DNAJC16: variants seen among roughly 807,000 people sequenced by gnomAD.
DNAJC16 encodes the protein dnaJ homolog subfamily C member 16.
Under a neutral mutation model 92.7 loss-of-function variants are expected in DNAJC16, and 76 were observed. The ratio of observed to expected loss-of-function variants is 0.82; its 90% confidence interval spans 0.68 to 0.99. DNAJC16 has a LOEUF of 0.99. DNAJC16 is among the 50% of genes least tolerant of loss of function. The probability of loss-of-function intolerance (pLI) is 0.00; values close to 1 mark genes in which losing one functional copy is unlikely to be tolerated. For missense variants in DNAJC16, 869 were observed against 942.4 expected (o/e 0.92, Z 1.02); for synonymous variants, 328 against 358.7 (o/e 0.91, Z 0.97).
At position 15,563,516 on chromosome 1, in the gene DNAJC16, C is replaced by T. The variant is rs780494595; in HGVS notation, c.1339-413C>T. Among the ~76,000 whole-genome samples the T allele has an allele frequency of 6.7e-5, 9 of 134,498 alleles. No individual in the cohort carries two copies. The East Asian group carries it at 6.9e-4, about 10-fold the overall frequency. The allele number at this position is 134,498 out of a possible 152,430, so 88.2% of individuals were successfully genotyped here. On this transcript the variant is annotated intron_variant, in intron 9 of 14. Coordinates refer to ENST00000375847, the MANE Select transcript of DNAJC16 (RefSeq NM_015291.4). ...TGCACTCCAGCCTGGGAGACAAGGG[C>T]GAAACTCTGTCTCAAAAAACAAACA...
chr1:15,558,851 A>G (rs1638627620), intron 7 of DNAJC16, among the ~76,000 whole-genome samples: 1 of 152,224 alleles, frequency 6.6e-6, no homozygotes, highest in African/African-American at 2.4e-5. Context: ...TTAATTGCCC[A>G]GTTCGCTACA....
chr1:15,535,012 T>C (rs1158221772), intron 3 of DNAJC16, among the ~76,000 whole-genome samples: 1 of 152,258 alleles, frequency 6.6e-6, no homozygotes, highest in African/African-American at 2.4e-5. Flanking sequence ...GTCTGGAATA[T>C]GCATCAAAGA....
rs142380369 is a variant in DNAJC16 at position 15,562,058 on chromosome 1, G to A, written c.1155-84G>A. 282 of 1,397,320 alleles carry A rather than the reference G, an allele frequency of 2.0e-4. 1 individual carries two copies. The highest frequency in any genetic ancestry group is 1.6e-3 in the African/African-American group (115 of 70,162). 86.6% of individuals were successfully genotyped at this position (1,397,320 alleles called of 1,614,324 possible). A position where few individuals can be genotyped will look rare whatever the true frequency, so the allele number is the denominator to read the frequency against. On this transcript the variant is annotated intron_variant, in intron 8 of 14. Coordinates refer to ENST00000375847, the MANE Select transcript of DNAJC16 (RefSeq NM_015291.4). The stretch of plus-strand genomic sequence containing the variant: ...TTCACTTCCATAAGATGAGCTCCTC[G>A]TCTTCTTCACCTTCACTTGCCATTA...
At chr1:15,548,129 T>A in intron 6 of DNAJC16, 141 bp from the exon 7 acceptor site, 1 of 685,438 alleles carries the variant, frequency 1.5e-6, no homozygotes, top group Non-Finnish European at 2.4e-6. Flanking sequence ...AATGGAAGTA[T>A]ACAAGGATAC....
Position 15,570,090 on chromosome 1 carries a change from TAAA to T in DNAJC16, c.*1917_*1919del, listed in dbSNP as rs147257410. 4 of 152,742 alleles carry T rather than the reference TAAA, an allele frequency of 2.6e-5. No homozygotes were observed. The East Asian group carries it at 7.7e-4, about 29-fold the overall frequency. 9.5% of individuals were successfully genotyped at this position (152,742 alleles called of 1,614,324 possible). Reference sequence around the variant, plus strand: ...GTTTTCATGGAGTCTGTAGCTTTATTAAAAAATAAATCACTGCCAGGCTTCATT... The same window carrying T: ...GTTTTCATGGAGTCTGTAGCTTTATTAAATAAATCACTGCCAGGCTTCATT... On this transcript the variant is annotated 3_prime_UTR_variant, in exon 15 of 15. Transcript: ENST00000375847.
chr1:15,529,602 ATGATAC>A (rs572759776), intron 2 of DNAJC16, among the ~76,000 whole-genome samples: 213 of 152,328 alleles, frequency 1.4e-3, no homozygotes, highest in African/African-American at 5.0e-3. Flanking sequence ...TACCCTTCCC[ATGATAC>A]ATTATTCATA....
chr1:15,527,275 C>T (rs1232969523), intron 1 of DNAJC16, among the ~76,000 whole-genome samples: 1 of 152,164 alleles, frequency 6.6e-6, no homozygotes, highest in Non-Finnish European at 1.5e-5. Context: ...GCTCCGAGGT[C>T]GGCGCCGTCT....
At chr1:15,533,996 A>G (rs1189225117) in intron 2 of DNAJC16, among the ~76,000 whole-genome samples, 1 of 152,222 alleles carries the variant, frequency 6.6e-6, no homozygotes, top group East Asian at 1.9e-4. Flanking sequence ...ATGCTGCAGT[A>G]TTATATGGTG....
chr1:15,554,433 C>T (rs1290469555), intron 7 of DNAJC16, among the ~76,000 whole-genome samples: 1 of 152,078 alleles, frequency 6.6e-6, no homozygotes, highest in Non-Finnish European at 1.5e-5. Flanking sequence ...TTAAGATATA[C>T]TTCCCCTACA....
chr1:15,535,438 G>T (rs781307383), intron 3 of DNAJC16, among the ~76,000 whole-genome samples: 19 of 152,184 alleles, frequency 1.2e-4, no homozygotes, highest in Non-Finnish European at 2.2e-4. Flanking sequence ...TCATTCTTTT[G>T]AATGACTGCA....
At chr1:15,553,697 G>A (rs1391545531) in intron 7 of DNAJC16, among the ~76,000 whole-genome samples, 1 of 152,112 alleles carries the variant, frequency 6.6e-6, no homozygotes, top group Non-Finnish European at 1.5e-5. Context: ...ATTGTCATCA[G>A]CCCAGAAGGC....
intron 4 of DNAJC16, among the ~76,000 whole-genome samples, chr1:15,539,309 G>T (rs1024041177): frequency 6.6e-6 from 1 of 151,352 alleles, no homozygotes. Context: ...GCAGTGGTGC[G>T]ATCTCTGCTC....
intron 7 of DNAJC16, among the ~76,000 whole-genome samples, chr1:15,553,556 T>C (rs10927798): frequency 0.59 from 90,475 of 152,062 alleles, 27,727 homozygotes; most frequent in African/African-American, 0.73. Context: ...TTTATGATAC[T>C]CACATTTTAA....
chr1:15,538,723 CA>C (rs1210490713), intron 4 of DNAJC16, among the ~76,000 whole-genome samples: 2 of 150,804 alleles, frequency 1.3e-5, no homozygotes, highest in Admixed American at 6.6e-5. Flanking sequence ...CTCAGAAAAA[CA>C]AAAAAAAGAC....
At chr1:15,537,412 A>G (rs1710818512) in intron 4 of DNAJC16, among the ~76,000 whole-genome samples, 2 of 152,206 alleles carry the variant, frequency 1.3e-5, no homozygotes, top group Admixed American at 1.3e-4. Flanking sequence ...CCTGACCTTG[A>G]GTTCACCATT....
At position 15,548,613 on chromosome 1, in the gene DNAJC16, T is replaced by C. The variant is rs1016900759; in HGVS notation, c.1023+185T>C. Among the ~76,000 whole-genome samples the C allele has an allele frequency of 1.2e-4, 19 of 152,190 alleles. 1 individual carries two copies. The highest frequency in any genetic ancestry group is 2.5e-4 in the Non-Finnish European group (17 of 68,028). ...CTTTAAAATTTTTAATTTAAAACGTTTAAAAATTTTAGCACCTTTAAAGGG... is the reference window on the plus strand; with the variant it reads ...CTTTAAAATTTTTAATTTAAAACGTCTAAAAATTTTAGCACCTTTAAAGGG... On this transcript the variant is annotated intron_variant, in intron 7 of 14. Transcript: ENST00000375847.
Position 15,568,962 on chromosome 1 carries a change from C to T in DNAJC16, c.*785C>T. 1 of 356,532 alleles carries T rather than the reference C, an allele frequency of 2.8e-6. No homozygotes were observed. Among genetic ancestry groups the T allele is most frequent in the Admixed American group, 4.7e-5 (1 of 21,294 alleles). 22.1% of individuals were successfully genotyped at this position (356,532 alleles called of 1,614,324 possible). A position where few individuals can be genotyped will look rare whatever the true frequency, so the allele number is the denominator to read the frequency against. On this transcript the variant is annotated 3_prime_UTR_variant, in exon 15 of 15. Transcript: ENST00000375847. ...CGAGAAGTACTGTGATGACTTTGAG[C>T]CGTTGACATGTATGTCTTCAGATGC...
intron 8 of DNAJC16, among the ~76,000 whole-genome samples, chr1:15,561,809 T>C (rs1638698450): frequency 6.6e-6 from 1 of 151,728 alleles, no homozygotes; most frequent in African/African-American, 2.4e-5. Context: ...AGGAGGATTG[T>C]CTGAGGCCAG....
At chr1:15,564,228 G>A (rs1638758825) in intron 10 of DNAJC16, 55 bp from the exon 11 acceptor site, 1 of 1,528,826 alleles carries the variant, frequency 6.5e-7, no homozygotes, top group African/African-American at 1.4e-5. Flanking sequence ...GCAGGGTAGA[G>A]GGACTCTCCC....
Sources: allele counts gnomAD v4.1 joint callset (sites outside exome capture counted in the v4.1 genomes callset), GRCh38; gene constraint gnomAD v4.1.1; transcripts MANE v1.5; gene names NCBI Gene and HGNC (gene_info 2026-07-23, HGNC 2026-07-21).